Variants in GALNTL6 observed in about 807,000 individuals in gnomAD.
GALNTL6 encodes polypeptide N-acetylgalactosaminyltransferase-like 6.
A neutral mutation model predicts 73.7 loss-of-function variants in GALNTL6; 46 were observed. The ratio of observed to expected loss-of-function variants is 0.62; its 90% CI spans 0.49 to 0.80. The LOEUF is 0.80. Among genes scored for constraint, GALNTL6 ranks in the 30% least tolerant of loss-of-function variants. GALNTL6 has a pLI of 0.00. For synonymous variants in GALNTL6, 259 were observed against 263.7 expected (o/e 0.98, Z 0.17); for missense variants, 604 against 755.0 (o/e 0.80, Z 2.34).
Position 171,813,641 on chromosome 4 carries a change from A to C in GALNTL6, c.-519A>C, listed in dbSNP as rs377109688. On this transcript the variant is annotated 5_prime_UTR_variant, in exon 1 of 13. Coordinates refer to ENST00000506823, the MANE Select transcript of GALNTL6 (RefSeq NM_001034845.3). The surrounding 1 kb of genome is among the most constrained non-coding windows in gnomAD (Gnocchi z 5.2). ...CTGTGGGTTCGTTCAGTTGCCAGAAAAGAATGGTAACATGAACAGCGGAGC... is the reference window on the plus strand; with the variant it reads ...CTGTGGGTTCGTTCAGTTGCCAGAACAGAATGGTAACATGAACAGCGGAGC... 6.6e-6 allele frequency: 1 copy of C among 152,400 alleles called. No homozygotes were observed. Among genetic ancestry groups the C allele is most frequent in the East Asian group, 1.9e-4 (1 of 5,192 alleles). 9.4% of individuals were successfully genotyped at this position (152,400 alleles called of 1,614,324 possible). A position where few individuals can be genotyped will look rare whatever the true frequency, so the allele number is the denominator to read the frequency against.
At chr4:172,497,800 A>G (rs550427726) in intron 5 of GALNTL6, among the ~76,000 whole-genome samples, 1 of 152,292 alleles carries the variant, frequency 6.6e-6, no homozygotes, top group South Asian at 2.1e-4. Flanking sequence ...GGTGATTACC[A>G]TGTTCTAAGT....
intron 2 of GALNTL6, among the ~76,000 whole-genome samples, chr4:172,196,252 A>G (rs912822544): frequency 6.6e-6 from 1 of 152,180 alleles, no homozygotes; most frequent in Non-Finnish European, 1.5e-5. Context: ...AATACGAAGA[A>G]GGTGAATCCG....
Position 171,945,340 on chromosome 4 carries a change from T to G in GALNTL6, c.138+130622T>G, listed in dbSNP as rs116320002. 1.6e-3 allele frequency among the ~76,000 whole-genome samples: 248 copies of G among 152,180 alleles called. 1 individual carries two copies. Among genetic ancestry groups the G allele is most frequent in the African/African-American group, 5.7e-3 (238 of 41,564 alleles). On this transcript the variant is annotated intron_variant, in intron 2 of 12. Coordinates refer to ENST00000506823, the MANE Select transcript of GALNTL6 (RefSeq NM_001034845.3). ...TTAATAGCTACTTGTGGGGATATTATGACCTGTTTAGAATTCTTATTTTTT... is the reference window on the plus strand; with the variant it reads ...TTAATAGCTACTTGTGGGGATATTAGGACCTGTTTAGAATTCTTATTTTTT...
intron 5 of GALNTL6, among the ~76,000 whole-genome samples, chr4:172,388,935 T>A (rs1363179367): frequency 1.3e-5 from 2 of 152,072 alleles, no homozygotes; most frequent in Non-Finnish European, 2.9e-5. Flanking sequence ...TATATCTATA[T>A]CTATATCTAT....
intron 2 of GALNTL6, among the ~76,000 whole-genome samples, chr4:171,974,871 G>A (rs1739674353): frequency 6.6e-6 from 1 of 152,084 alleles, no homozygotes. Flanking sequence ...ATATGTTATG[G>A]TTGTAACAGT....
chr4:172,715,391 G>A (rs1560900241), intron 5 of GALNTL6, among the ~76,000 whole-genome samples: 1 of 152,162 alleles, frequency 6.6e-6, no homozygotes, highest in African/African-American at 2.4e-5. Context: ...CCATTAAGAT[G>A]AGAAAGGCCA....
intron 2 of GALNTL6, among the ~76,000 whole-genome samples, chr4:171,928,955 A>G (rs946477569): frequency 6.6e-6 from 1 of 152,378 alleles, no homozygotes; most frequent in Non-Finnish European, 1.5e-5. Flanking sequence ...GCTATAATAT[A>G]AGAAATTATA....
chr4:172,619,877 C>G (rs1738886588), intron 5 of GALNTL6, among the ~76,000 whole-genome samples: 1 of 152,136 alleles, frequency 6.6e-6, no homozygotes, highest in African/African-American at 2.4e-5. Flanking sequence ...CAGAAGAAAT[C>G]TTTTCTTCAA....
chr4:172,826,305 G>A lies in GALNTL6; in HGVS notation c.923+12582G>A, dbSNP rs551068260. On this transcript the variant is annotated intron_variant, in intron 7 of 12. Transcript: ENST00000506823. ...CATGGAGAATTGCTCCTTAGCGTCC[G>A]TTCAGCTGTTGCAGCACCTGCGGAC... is the stretch of plus-strand genomic sequence containing the variant. Among the ~76,000 whole-genome samples, 8 of 152,194 alleles carry A rather than the reference G, an allele frequency of 5.3e-5. No individual in the cohort carries two copies. The South Asian group carries it at 6.2e-4, about 12-fold the overall frequency.
chr4:171,851,543 C>T (rs949328114), intron 2 of GALNTL6, among the ~76,000 whole-genome samples: 2 of 152,114 alleles, frequency 1.3e-5, no homozygotes, highest in Admixed American at 1.3e-4. Flanking sequence ...CAATAACACT[C>T]TCAGATAGCT....
intron 2 of GALNTL6, among the ~76,000 whole-genome samples, chr4:172,063,831 G>A (rs1731281275): frequency 6.6e-6 from 1 of 152,062 alleles, no homozygotes; most frequent in South Asian, 2.1e-4. Context: ...ATGTGTGCTT[G>A]AAAAATGCAC....
At chr4:172,833,292 GT>G (rs36020321) in intron 7 of GALNTL6, among the ~76,000 whole-genome samples, 25,680 of 152,130 alleles carry the variant, frequency 0.17, 2,203 homozygotes, top group Middle Eastern at 0.24. Context: ...TATGTTGATA[GT>G]TTGTAGAAAA....
chr4:172,730,294 C>T (rs1012784152), intron 5 of GALNTL6, among the ~76,000 whole-genome samples: 20 of 152,324 alleles, frequency 1.3e-4, no homozygotes, highest in African/African-American at 4.8e-4. Flanking sequence ...AAGTGGGAAT[C>T]CTTGTCTTGT....
chr4:172,224,308 G>T (rs1265170472), intron 2 of GALNTL6, among the ~76,000 whole-genome samples: 3 of 152,112 alleles, frequency 2.0e-5, no homozygotes, highest in Non-Finnish European at 4.4e-5. Context: ...AGGACATGCA[G>T]ATTTTTGCCT....
intron 3 of GALNTL6, among the ~76,000 whole-genome samples, chr4:172,268,251 A>T (rs1738516460): frequency 6.6e-6 from 1 of 152,222 alleles, no homozygotes; most frequent in Non-Finnish European, 1.5e-5. Flanking sequence ...TTATCTGGGA[A>T]GCTGACTGAG....
intron 2 of GALNTL6, among the ~76,000 whole-genome samples, chr4:171,973,550 A>G (rs1739631692): frequency 6.6e-6 from 1 of 152,126 alleles, no homozygotes; most frequent in Non-Finnish European, 1.5e-5. Flanking sequence ...TTATAAACCT[A>G]GTAGTCCTAT....
intron 5 of GALNTL6, among the ~76,000 whole-genome samples, chr4:172,805,693 A>C (rs1366211313): frequency 6.6e-6 from 1 of 152,218 alleles, no homozygotes; most frequent in Non-Finnish European, 1.5e-5. Context: ...GTGATCTTCA[A>C]AAATGCAATA....
Position 173,000,481 on chromosome 4 carries a change from G to A in GALNTL6, c.1372-8697G>A, listed in dbSNP as rs371730507. Among the ~76,000 whole-genome samples, 14 of 152,246 alleles carry A rather than the reference G, an allele frequency of 9.2e-5. No homozygotes were observed. In the East Asian group the frequency reaches 1.2e-3, roughly 13 times the overall value. On this transcript the variant is annotated intron_variant, in intron 10 of 12. Coordinates refer to ENST00000506823, the MANE Select transcript of GALNTL6 (RefSeq NM_001034845.3). ...TGTTATTGTTAAATGGTGATACTAC[G>A]CAAAGTGATCTACAGATTAGATGCA...
chr4:172,208,802 G>A (rs562112290), intron 2 of GALNTL6, among the ~76,000 whole-genome samples: 1 of 152,190 alleles, frequency 6.6e-6, no homozygotes, highest in Non-Finnish European at 1.5e-5. Flanking sequence ...TTAACCTGCC[G>A]AGCCTAATAA....
Sources: gnomAD v4.1 joint callset for allele counts (sites outside exome capture counted in the v4.1 genomes callset) on GRCh38, gnomAD v4.1.1 for gene constraint, Gnocchi (gnomAD v3.1) non-coding constraint, MANE v1.5 for transcripts, NCBI Gene and HGNC (gene_info 2026-07-23, HGNC 2026-07-21) for gene names.